KLRG2: variants seen among roughly 807,000 people sequenced by gnomAD.
KLRG2 encodes killer cell lectin like receptor G2.
A neutral mutation model predicts 35.4 loss-of-function variants in KLRG2; 39 were observed. The observed-to-expected ratio is 1.10, with a 90% CI of 0.85 to 1.44. KLRG2 has a LOEUF of 1.44. Ranked by LOEUF, KLRG2 falls within the 40% of genes most tolerant of loss-of-function variation. KLRG2 has a pLI of 0.00. For missense variants in KLRG2, 632 were observed against 570.9 expected (o/e 1.11, Z -1.09); for synonymous variants, 283 against 265.8 (o/e 1.06, Z -0.63).
At chr7:139,464,177 T>A (rs1265796933) in intron 3 of KLRG2, among the ~76,000 whole-genome samples, 1 of 152,028 alleles carries the variant, frequency 6.6e-6, no homozygotes, top group Non-Finnish European at 1.5e-5. Flanking sequence ...CCCACCTTAA[T>A]CCACAAGGGT....
chr7:139,438,593 G>T, the KLRG2 span, among the ~76,000 whole-genome samples: 1 of 152,102 alleles, frequency 6.6e-6, no homozygotes, highest in East Asian at 1.9e-4. Context: ...ACCAAGTGTT[G>T]GTGAGGACTT....
chr7:139,432,575 G>A, the KLRG2 span, among the ~76,000 whole-genome samples: 8 of 143,530 alleles, frequency 5.6e-5, no homozygotes, highest in African/African-American at 8.1e-5. Context: ...TTTTTGAGAC[G>A]GAATCTAACT....
rs1187923669 is a variant in KLRG2 at position 139,483,493 on chromosome 7, C to A, written c.150G>T (p.Pro50=). The A allele has an allele frequency of 1.3e-6, 2 of 1,597,250 alleles. No homozygotes were observed. Among genetic ancestry groups the A allele is most frequent in the Non-Finnish European group, 1.7e-6 (2 of 1,178,402 alleles). The change falls in exon 1 of 5, where the codon CCG becomes CCT. Residue 50 remains proline, a synonymous_variant. Coordinates refer to ENST00000340940, the MANE Select transcript of KLRG2 (RefSeq NM_198508.4). ...QPEGPESSPS[P]AGAVEKAAGA... ...CCGCCGCCTTCTCCACGGCCCCGGC[C>A]GGACTTGGGCTGCTTTCGGGACCTT...
Position 139,482,905 on chromosome 7 carries a change from G to A in KLRG2, c.738C>T (p.Pro246=). The part of the protein sequence containing the change: ...RAGLDGDEKL[P]RAVTLTGLPM... ...ACTCACCCGTAAGCGTTACGGCCCG[G>A]GGCAGCTTCTCGTCGCCGTCCAACC... The change falls in exon 1 of 5, where the codon CCC becomes CCT. Residue 246 remains proline, a synonymous_variant. Transcript: ENST00000340940. 1 of 1,491,606 alleles carries A rather than the reference G, an allele frequency of 6.7e-7. No homozygotes were observed. Among genetic ancestry groups the A allele is most frequent in the Non-Finnish European group, 8.8e-7 (1 of 1,131,604 alleles). 92.4% of individuals were successfully genotyped at this position (1,491,606 alleles called of 1,614,324 possible). A position where few individuals can be genotyped will look rare whatever the true frequency, so the allele number is the denominator to read the frequency against.
chr7:139,481,576 GTC>G (rs1489081151), intron 1 of KLRG2, among the ~76,000 whole-genome samples: 1 of 152,136 alleles, frequency 6.6e-6, no homozygotes, highest in Non-Finnish European at 1.5e-5. Context: ...GCTCCTTCCA[GTC>G]TCTCTACCTA....
the KLRG2 span, among the ~76,000 whole-genome samples, chr7:139,430,414 AG>A: frequency 6.7e-6 from 1 of 149,436 alleles, no homozygotes; most frequent in East Asian, 1.9e-4. Flanking sequence ...AAAAAAAAAA[AG>A]TTAAAACTAT....
the KLRG2 span, among the ~76,000 whole-genome samples, chr7:139,429,126 T>C: frequency 2.0e-5 from 3 of 152,078 alleles, no homozygotes; most frequent in Non-Finnish European, 4.4e-5. Flanking sequence ...GCCAACACGG[T>C]GAAACTCCAT....
chr7:139,437,637 C>A, the KLRG2 span, among the ~76,000 whole-genome samples: 7 of 152,042 alleles, frequency 4.6e-5, no homozygotes, highest in Admixed American at 2.6e-4. Context: ...TTTGTATTTT[C>A]AGTACAGATG....
At chr7:139,468,257 C>T (rs918339082) in intron 3 of KLRG2, among the ~76,000 whole-genome samples, 2 of 152,042 alleles carry the variant, frequency 1.3e-5, no homozygotes, top group Non-Finnish European at 2.9e-5. Context: ...ACGCTGGTCC[C>T]CTGGGCCCCC....
Position 139,457,783 on chromosome 7 carries a change from T to C in KLRG2, c.1006-3569A>G, listed in dbSNP as rs910802438. 2.0e-5 allele frequency among the ~76,000 whole-genome samples: 3 copies of C among 152,086 alleles called. No homozygotes were observed. The South Asian group carries it at 6.2e-4, about 32-fold the overall frequency. On this transcript the variant is annotated intron_variant, in intron 3 of 4. Transcript: ENST00000340940. The stretch of plus-strand genomic sequence containing the variant: ...TAGACCCACCCACTCCATTCCATTC[T>C]TCTTTTCCTTGCGTTTGAGACTCCT...
intron 3 of KLRG2, among the ~76,000 whole-genome samples, chr7:139,462,078 C>T (rs1796578197): frequency 6.6e-6 from 1 of 152,214 alleles, no homozygotes; most frequent in South Asian, 2.1e-4. Context: ...ATCTTTCAGT[C>T]TCTCCCTTCT....
chr7:139,434,020 T>C, the KLRG2 span, among the ~76,000 whole-genome samples: 1 of 152,144 alleles, frequency 6.6e-6, no homozygotes, highest in Non-Finnish European at 1.5e-5. Flanking sequence ...GAGCCTGTGG[T>C]ACTTGGCCCT....
At chr7:139,455,710 G>A (rs966947829) in intron 3 of KLRG2, among the ~76,000 whole-genome samples, 8 of 152,134 alleles carry the variant, frequency 5.3e-5, no homozygotes, top group South Asian at 4.1e-4. Context: ...GGCACGGCCC[G>A]CATCAGCTTG....
chr7:139,441,057 A>G, the KLRG2 span, among the ~76,000 whole-genome samples: 1 of 151,932 alleles, frequency 6.6e-6, no homozygotes, highest in South Asian at 2.1e-4. Context: ...CAGCCAGGTC[A>G]TCATGGCAAA....
In KLRG2 at chr7:139,454,156, GGGCCTCGCCA is replaced by G. The variant is rs1341944006; in HGVS notation, c.1054_1063del (p.Trp352ProfsTer78). 1 of 1,546,310 alleles carries G rather than the reference GGGCCTCGCCA, an allele frequency of 6.5e-7. No homozygotes were observed. The highest frequency in any genetic ancestry group is 8.7e-7 in the Non-Finnish European group (1 of 1,144,826). On this transcript the variant is annotated frameshift_variant, in exon 4 of 5. Transcript: ENST00000340940. LOFTEE classifies it low-confidence loss of function (END_TRUNC). ...CTCGTCGATCCAGTGCCAGCCCTGG[GGGCCTCGCCA>G]GGCCCCCACCCAGGAGTGCCTGGAG...
chr7:139,439,601 C>T, the KLRG2 span, among the ~76,000 whole-genome samples: 1 of 151,756 alleles, frequency 6.6e-6, no homozygotes, highest in Admixed American at 6.6e-5. Flanking sequence ...CTCTTTTTGC[C>T]CAAGCTGCCA....
the KLRG2 span, among the ~76,000 whole-genome samples, chr7:139,437,140 G>T: frequency 4.9e-4 from 75 of 152,314 alleles, 1 homozygote; most frequent in Middle Eastern, 0.014. Flanking sequence ...AGAAATGAAT[G>T]ATTTGGCCAG....
chr7:139,445,954 C>G, the KLRG2 span, among the ~76,000 whole-genome samples: 1 of 151,444 alleles, frequency 6.6e-6, no homozygotes, highest in South Asian at 2.1e-4. Flanking sequence ...GCCTCAGCCT[C>G]CCGAGTAGCT....
chr7:139,480,508 C>A (rs868826112), intron 1 of KLRG2, among the ~76,000 whole-genome samples: 5 of 124,574 alleles, frequency 4.0e-5, no homozygotes, highest in Non-Finnish European at 7.8e-5. Context: ...TGCAGTGGTG[C>A]GATCTCGGCT....
Sources: allele counts gnomAD v4.1 joint callset (sites outside exome capture counted in the v4.1 genomes callset), GRCh38; gene constraint gnomAD v4.1.1; transcripts MANE v1.5; gene names NCBI Gene and HGNC (gene_info 2026-07-23, HGNC 2026-07-21).